The following TDRD12 variants were observed in gnomAD, a reference collection of about 807,000 sequenced individuals.
The protein encoded by TDRD12 is tudor domain containing 12, also known as putative ATP-dependent RNA helicase TDRD12.
In TDRD12, 158 loss-of-function variants were observed where a neutral mutation model predicts 133.5. The ratio of observed to expected loss-of-function variants is 1.18; its 90% CI spans 1.04 to 1.35. The LOEUF (loss-of-function observed/expected upper bound fraction) is 1.35. Among genes scored for constraint, TDRD12 ranks in the 40% most tolerant of loss-of-function variants. The pLI is 0.00. For synonymous variants in TDRD12, 460 were observed against 477.9 expected (o/e 0.96, Z 0.49); for missense variants, 1,443 against 1,321.3 (o/e 1.09, Z -1.43).
chr19:32,797,781 T>C (rs1599600191), exon 15 of TDRD12: 4 of 701,458 alleles, frequency 5.7e-6, no homozygotes, highest in Non-Finnish European at 1.0e-5. Flanking sequence ...GCCCAATTTA[T>C]TTTTGAATTA....
chr19:32,721,807 A>G (rs1337832701), intron 1 of TDRD12, among the ~76,000 whole-genome samples: 1 of 151,346 alleles, frequency 6.6e-6, no homozygotes, highest in African/African-American at 2.4e-5. Flanking sequence ...TCCCGGGTTC[A>G]CGCCATTCTC....
exon 13 of TDRD12, chr19:32,790,993 C>T (rs1242334786): frequency 9.8e-6 from 15 of 1,535,926 alleles, no homozygotes; most frequent in East Asian, 2.4e-5. Flanking sequence ...TGCAGCCGCC[C>T]GTGGTAGTGC....
intron 3 of TDRD12, among the ~76,000 whole-genome samples, chr19:32,740,818 T>A (rs1403778186): frequency 6.6e-6 from 1 of 152,176 alleles, no homozygotes. Flanking sequence ...AGGGAGGGTG[T>A]GACCATCAAT....
intron 27 of TDRD12, among the ~76,000 whole-genome samples, chr19:32,819,744 C>T (rs1038939663): frequency 1.3e-5 from 2 of 152,106 alleles, no homozygotes; most frequent in African/African-American, 4.8e-5. Flanking sequence ...GAGGGAATGG[C>T]GAGAATATTT....
chr19:32,793,469 C>T (rs1412314397), intron 13 of TDRD12, among the ~76,000 whole-genome samples: 2 of 152,252 alleles, frequency 1.3e-5, no homozygotes, highest in East Asian at 1.9e-4. Flanking sequence ...AAGTGCAGAG[C>T]ATGGCGGGTC....
exon 6 of TDRD12, chr19:32,749,854 T>G: frequency 6.5e-7 from 1 of 1,541,892 alleles, no homozygotes; most frequent in Non-Finnish European, 8.8e-7. Context: ...TTTATGTAAC[T>G]ATAAAAGATG....
At chr19:32,781,431 CTTT>C (rs1970762302) in intron 11 of TDRD12, among the ~76,000 whole-genome samples, 1 of 152,216 alleles carries the variant, frequency 6.6e-6, no homozygotes, top group African/African-American at 2.4e-5. Flanking sequence ...TGAATCTCCT[CTTT>C]TCCAGATCAT....
chr19:32,796,542 A>G (rs1264389475), intron 14 of TDRD12, among the ~76,000 whole-genome samples: 2 of 151,742 alleles, frequency 1.3e-5, no homozygotes, highest in Non-Finnish European at 2.9e-5. Flanking sequence ...GCAAGATCGC[A>G]CCATTGCACT....
rs10644749 is a variant in TDRD12 at position 32,744,499 on chromosome 19, CAAAAAAA to C, written c.440+1618_440+1624del. On this transcript the variant is annotated intron_variant, in intron 4 of 27. Coordinates refer to ENST00000444215, the Ensembl canonical transcript of TDRD12. ...TGGGTGACAGAGTGAGACTCCGTCT[CAAAAAAA>C]AAAAAAAAAAAAAAAAAACAAAAGA... 9.6e-3 allele frequency among the ~76,000 whole-genome samples: 364 copies of C among 38,064 alleles called. 2 individuals are homozygous for C. Among genetic ancestry groups the C allele is most frequent in the South Asian group, 0.029 (29 of 1,006 alleles). The allele number at this position is 38,064 out of a possible 152,430, so 25.0% of individuals were successfully genotyped here.
At chr19:32,731,866 A>G (rs1969067392) in exon 2 of TDRD12, 1 of 1,546,674 alleles carries the variant, frequency 6.5e-7, no homozygotes, top group African/African-American at 1.4e-5. Context: ...AAAACCCTTA[A>G]CATTGGAAGA....
At chr19:32,730,434 C>G (rs1162205495) in intron 1 of TDRD12, among the ~76,000 whole-genome samples, 3 of 152,076 alleles carry the variant, frequency 2.0e-5, no homozygotes, top group Non-Finnish European at 4.4e-5. Context: ...GTTCTGCTTG[C>G]TTTTGGTAGC....
At chr19:32,774,489 G>T (rs1402873993) in intron 10 of TDRD12, among the ~76,000 whole-genome samples, 1 of 151,234 alleles carries the variant, frequency 6.6e-6, no homozygotes, top group Non-Finnish European at 1.5e-5. Flanking sequence ...ATTCATTTTA[G>T]GTTCATTTTG....
At chr19:32,753,559 A>G (rs1454916050) in intron 6 of TDRD12, among the ~76,000 whole-genome samples, 1 of 151,180 alleles carries the variant, frequency 6.6e-6, no homozygotes, top group African/African-American at 2.4e-5. Context: ...GCTGGAGTAC[A>G]CTGGCGCGAT....
At chr19:32,738,806 C>G (rs1969302249) in intron 2 of TDRD12, 50 bp from the exon 3 acceptor site, 2 of 1,536,206 alleles carry the variant, frequency 1.3e-6, no homozygotes, top group Non-Finnish European at 1.8e-6. Flanking sequence ...GAGTAACACT[C>G]TGTCTCAAAA....
intron 3 of TDRD12, among the ~76,000 whole-genome samples, chr19:32,740,699 G>A (rs968449626): frequency 2.6e-5 from 4 of 152,200 alleles, no homozygotes; most frequent in African/African-American, 9.6e-5. Flanking sequence ...CTTCCAGGAG[G>A]TAGAGAGAAA....
exon 21 of TDRD12, chr19:32,803,026 G>A (rs1219212748): frequency 1.2e-5 from 19 of 1,535,896 alleles, no homozygotes; most frequent in Admixed American, 7.9e-5. Flanking sequence ...TGGAGCGAGC[G>A]GACGCCAAGG....
chr19:32,765,741 G>T (rs1970277875), intron 8 of TDRD12, among the ~76,000 whole-genome samples: 1 of 151,820 alleles, frequency 6.6e-6, no homozygotes, highest in Non-Finnish European at 1.5e-5. Context: ...GCCTGTTGTG[G>T]GGTGGGGGTC....
chr19:32,763,775 T>C (rs1970216684), intron 8 of TDRD12, among the ~76,000 whole-genome samples: 1 of 152,204 alleles, frequency 6.6e-6, no homozygotes, highest in African/African-American at 2.4e-5. Flanking sequence ...ATTGTCAGTT[T>C]ACAGTTCAGG....
chr19:32,724,457 A>G (rs1968794360), intron 1 of TDRD12, among the ~76,000 whole-genome samples: 1 of 152,092 alleles, frequency 6.6e-6, no homozygotes. Flanking sequence ...TCCTGTTTAT[A>G]AGTGAGAACA....
Sources: gnomAD v4.1 joint callset for allele counts (sites outside exome capture counted in the v4.1 genomes callset) on GRCh38, gnomAD v4.1.1 for gene constraint, MANE v1.5 for transcripts, NCBI Gene and HGNC (gene_info 2026-07-23, HGNC 2026-07-21) for gene names.